CLPB: variants seen among roughly 807,000 people sequenced by gnomAD.
CLPB encodes mitochondrial disaggregase.
A neutral mutation model predicts 78.4 loss-of-function variants in CLPB; 40 were observed. That is an observed-to-expected ratio of 0.51 (90% CI 0.40 to 0.66). The LOEUF (loss-of-function observed/expected upper bound fraction) is 0.66, where lower values mean the gene tolerates loss of function less well. Among genes scored for constraint, CLPB ranks in the 30% least tolerant of loss-of-function variants. CLPB has a pLI of 0.00. For synonymous variants in CLPB, 333 were observed against 348.0 expected, an observed-to-expected ratio of 0.96 and a Z score of 0.48; for missense variants, 780 against 886.9, an observed-to-expected ratio of 0.88 and a Z score of 1.53.
chr11:72,300,885 G>T (rs1035946567), intron 11 of CLPB, among the ~76,000 whole-genome samples: 2 of 152,204 alleles, frequency 1.3e-5, no homozygotes, highest in African/African-American at 4.8e-5. Flanking sequence ...AAAGGTGGAA[G>T]TCATCTTCTT....
In CLPB at chr11:72,336,823, G is replaced by A. The variant is rs1477372656; in HGVS notation, c.776-7019C>T. ...TCAAGGAAACATTGAGAGAGAGAGT[G>A]GCAGGATGACCACATATGAGCAGCC... is the stretch of plus-strand genomic sequence containing the variant. On this transcript the variant is annotated intron_variant, in intron 5 of 15. Coordinates refer to ENST00000538039, the MANE Select transcript of CLPB (RefSeq NM_001258392.3). 8.6e-6 allele frequency: 3 copies of A among 349,680 alleles called. No homozygotes were observed. The East Asian group carries it at 1.3e-4, about 15-fold the overall frequency. 21.7% of individuals were successfully genotyped at this position (349,680 alleles called of 1,614,324 possible).
chr11:72,371,754 C>T (rs145770051), intron 4 of CLPB, among the ~76,000 whole-genome samples: 15 of 152,114 alleles, frequency 9.9e-5, no homozygotes, highest in East Asian at 5.8e-4. Context: ...CCCTTCTCTA[C>T]TCACATTCAA....
At chr11:72,317,889 C>A (rs557962483) in intron 6 of CLPB, among the ~76,000 whole-genome samples, 1 of 152,206 alleles carries the variant, frequency 6.6e-6, no homozygotes, top group Admixed American at 6.5e-5. Context: ...ATCCACTTCA[C>A]AAAAGGCAGC....
At chr11:72,387,050 G>T (rs1221619350) in intron 3 of CLPB, among the ~76,000 whole-genome samples, 1 of 152,136 alleles carries the variant, frequency 6.6e-6, no homozygotes, top group Non-Finnish European at 1.5e-5. Context: ...AAGAAAACTG[G>T]CTGTAAAATC....
rs371114378 is a variant in CLPB at position 72,373,947 on chromosome 11, C to T, written c.646+6334G>A. Reference sequence around the variant, plus strand: ...TGCACTCCAGTCTGGGTAACAAGAGCGAAACTCTGTCTCAAAAAAAAAAAA... The same window carrying T: ...TGCACTCCAGTCTGGGTAACAAGAGTGAAACTCTGTCTCAAAAAAAAAAAA... On this transcript the variant is annotated intron_variant, in intron 4 of 15. Transcript: ENST00000538039. Among the ~76,000 whole-genome samples the T allele has an allele frequency of 3.0e-4, 36 of 121,972 alleles. No individual in the cohort carries two copies. In the East Asian group the frequency reaches 4.8e-3, roughly 16 times the overall value. 80.0% of individuals were successfully genotyped at this position (121,972 alleles called of 152,430 possible). A position where few individuals can be genotyped will look rare whatever the true frequency, so the allele number is the denominator to read the frequency against.
intron 2 of CLPB, among the ~76,000 whole-genome samples, chr11:72,416,318 G>A (rs986565824): frequency 7.9e-5 from 12 of 152,254 alleles, no homozygotes; most frequent in African/African-American, 2.9e-4. Flanking sequence ...CTTTTCACCT[G>A]TACTAACTAC....
intron 2 of CLPB, among the ~76,000 whole-genome samples, chr11:72,421,068 C>T (rs1401802984): frequency 3.3e-5 from 5 of 152,206 alleles, no homozygotes; most frequent in African/African-American, 1.2e-4. Flanking sequence ...TGGTGCCCTG[C>T]ATTTGCATAT....
At chr11:72,416,383 T>C (rs1021514714) in intron 2 of CLPB, among the ~76,000 whole-genome samples, 1 of 151,990 alleles carries the variant, frequency 6.6e-6, no homozygotes, top group Non-Finnish European at 1.5e-5. Flanking sequence ...CATGATACAT[T>C]TTTCTCCCCC....
chr11:72,385,149 G>A (rs1014501539), intron 3 of CLPB, among the ~76,000 whole-genome samples: 1 of 152,174 alleles, frequency 6.6e-6, no homozygotes, highest in Non-Finnish European at 1.5e-5. Context: ...CATCTCCTTA[G>A]TCCAAATTCC....
intron 2 of CLPB, among the ~76,000 whole-genome samples, chr11:72,414,386 A>T (rs1243574025): frequency 6.6e-6 from 1 of 152,228 alleles, no homozygotes; most frequent in Non-Finnish European, 1.5e-5. Flanking sequence ...GCTGGCTGCC[A>T]GGAAACCTGT....
intron 4 of CLPB, among the ~76,000 whole-genome samples, chr11:72,379,748 A>G (rs903263852): frequency 6.6e-6 from 1 of 152,236 alleles, no homozygotes; most frequent in East Asian, 1.9e-4. Context: ...TTGAGGGGAC[A>G]GTCCCAGAGA....
chr11:72,303,304 T>A (rs1318676223), intron 9 of CLPB, among the ~76,000 whole-genome samples: 1 of 152,228 alleles, frequency 6.6e-6, no homozygotes, highest in African/African-American at 2.4e-5. Context: ...GGTGCCAAGA[T>A]TCTCAGCGGG....
At chr11:72,391,043 G>C (rs188946750) in intron 3 of CLPB, among the ~76,000 whole-genome samples, 1 of 152,286 alleles carries the variant, frequency 6.6e-6, no homozygotes, top group Admixed American at 6.5e-5. Flanking sequence ...AAAAAGTGTT[G>C]AAGTCCTATC....
At chr11:72,301,671 A>G in intron 11 of CLPB, 132 bp downstream of exon 11, 1 of 1,005,768 alleles carries the variant, frequency 9.9e-7, no homozygotes. Flanking sequence ...CTACTGGATG[A>G]ATGAATGTAC....
At chr11:72,335,705 A>C (rs1387849777) in intron 5 of CLPB, among the ~76,000 whole-genome samples, 1 of 152,102 alleles carries the variant, frequency 6.6e-6, no homozygotes, top group African/African-American at 2.4e-5. Flanking sequence ...CTCATCTAAG[A>C]CTGAGAGTTC....
At chr11:72,413,244 G>A (rs549220168) in intron 2 of CLPB, among the ~76,000 whole-genome samples, 130 of 151,956 alleles carry the variant, frequency 8.6e-4, no homozygotes, top group Non-Finnish European at 1.4e-3. Flanking sequence ...AGCCGAGATC[G>A]TGCTATTGCA....
chr11:72,386,588 C>T (rs374773575), intron 3 of CLPB, among the ~76,000 whole-genome samples: 1 of 152,310 alleles, frequency 6.6e-6, no homozygotes, highest in East Asian at 1.9e-4. Flanking sequence ...CACTAACTTA[C>T]ATGCACACAA....
At chr11:72,424,661 C>T (rs537069554) in intron 2 of CLPB, among the ~76,000 whole-genome samples, 56 of 152,120 alleles carry the variant, frequency 3.7e-4, no homozygotes, top group African/African-American at 1.3e-3. Context: ...TTTGGGAGGC[C>T]GAGGCGGGCG....
intron 4 of CLPB, among the ~76,000 whole-genome samples, chr11:72,376,015 C>A (rs1047451504): frequency 1.3e-5 from 2 of 152,210 alleles, no homozygotes; most frequent in Non-Finnish European, 2.9e-5. Flanking sequence ...TAGTGGACTT[C>A]ATGGACTTGG....
Sources: allele counts gnomAD v4.1 joint callset (sites outside exome capture counted in the v4.1 genomes callset), GRCh38; gene constraint gnomAD v4.1.1; transcripts MANE v1.5; gene names NCBI Gene and HGNC (gene_info 2026-07-23, HGNC 2026-07-21).